The following RSPH3 variants were observed in gnomAD, a reference collection of about 807,000 sequenced individuals.
The protein encoded by RSPH3 is radial spoke head protein 3 homolog.
RSPH3 carries 21 observed loss-of-function variants against 43.8 expected under a neutral mutation model. That is an observed-to-expected ratio of 0.48 (90% CI 0.34 to 0.69). The LOEUF is 0.69. Ranked by LOEUF, RSPH3 falls within the 30% of genes least tolerant of loss-of-function variation. RSPH3 has a pLI of 0.01. For missense variants in RSPH3, 487 were observed against 516.0 expected (o/e 0.94, Z 0.54); for synonymous variants, 173 against 179.8 (o/e 0.96, Z 0.30).
chr6:158,982,333 A>C (rs538493032), intron 5 of RSPH3, 152 bp downstream of exon 5: 1 of 544,694 alleles, frequency 1.8e-6, no homozygotes, highest in East Asian at 3.0e-5. Context: ...TCTATGATCT[A>C]TAGGAGAGAC....
downstream of RSPH3, among the ~76,000 whole-genome samples, chr6:158,970,903 A>C (rs978262206): frequency 6.6e-6 from 1 of 151,964 alleles, no homozygotes; most frequent in African/African-American, 2.4e-5. Context: ...CAAGACTTTC[A>C]ATTTTTTTTT....
In RSPH3 at chr6:158,977,680, A is replaced by G. The variant is rs1231631961; in HGVS notation, c.1115T>C (p.Leu372Pro). Residue 372 changes from leucine (L) to proline (P), a missense_variant, in exon 8 of 8, where the codon CTT becomes CCT. Physicochemically the swap from Leu to Pro is moderately conservative, Grantham distance 98. Coordinates refer to ENST00000367069, the MANE Select transcript of RSPH3 (RefSeq NM_031924.8). ...TCTTTGTAGGTAGCCTCCATCTAAAAGCAGCTCCCGTGTCTGTGACATGCT... is the reference window on the plus strand; with the variant it reads ...TCTTTGTAGGTAGCCTCCATCTAAAGGCAGCTCCCGTGTCTGTGACATGCT... ...EQSMSQTREL[L>P]LDGGYLQRTT... The G allele has an allele frequency of 2.5e-6, 4 of 1,614,030 alleles. No homozygotes were observed. In the Admixed American group the frequency reaches 6.7e-5, roughly 27 times the overall value.
downstream of RSPH3, among the ~76,000 whole-genome samples, chr6:158,970,464 G>A (rs1401995601): frequency 6.6e-6 from 1 of 152,110 alleles, no homozygotes; most frequent in Non-Finnish European, 1.5e-5. Flanking sequence ...AGTGATTCAG[G>A]CCTTCTTAGC....
the RSPH3 span, among the ~76,000 whole-genome samples, chr6:158,967,295 C>T: frequency 6.6e-6 from 1 of 152,064 alleles, no homozygotes; most frequent in Non-Finnish European, 1.5e-5. Context: ...AGCATCTGGC[C>T]TATTTCTGTT....
chr6:158,984,266 T>A (rs74298052), intron 3 of RSPH3, among the ~76,000 whole-genome samples: 29 of 151,416 alleles, frequency 1.9e-4, no homozygotes, highest in African/African-American at 6.8e-4. Context: ...CCTCACATAC[T>A]GAACTAAGAG....
At chr6:158,968,983 G>A (rs920884729), downstream of RSPH3, among the ~76,000 whole-genome samples, 2 of 152,110 alleles carry the variant, frequency 1.3e-5, no homozygotes, top group Non-Finnish European at 2.9e-5. Context: ...TACATTAGAA[G>A]CCCATTAATA....
At chr6:158,986,445 T>C in intron 2 of RSPH3, 24 bp from the exon 3 acceptor site, 4 of 1,586,474 alleles carry the variant, frequency 2.5e-6, no homozygotes, top group Non-Finnish European at 3.4e-6. Context: ...AAAATACTTC[T>C]AGAATTTAGA....
At chr6:158,965,892 C>T in the RSPH3 span, among the ~76,000 whole-genome samples, 5 of 152,022 alleles carry the variant, frequency 3.3e-5, no homozygotes, top group Non-Finnish European at 5.9e-5. Flanking sequence ...TGGAATTTTC[C>T]TAGATGCCTT....
chr6:159,000,064 G>A lies in RSPH3; in HGVS notation c.-514C>T, dbSNP rs898573832. Reference sequence around the variant, plus strand: ...GGCTGGTGTTGGCGCCATTCTCGCAGGCCCACGTGCTCCTGCTCTTCCAGG... The same window carrying A: ...GGCTGGTGTTGGCGCCATTCTCGCAAGCCCACGTGCTCCTGCTCTTCCAGG... On this transcript the variant is annotated 5_prime_UTR_variant, in exon 1 of 8. Coordinates refer to ENST00000367069, the MANE Select transcript of RSPH3 (RefSeq NM_031924.8). 1.1e-5 allele frequency: 15 copies of A among 1,336,114 alleles called. No individual in the cohort carries two copies. The highest frequency in any genetic ancestry group is 1.5e-5 in the African/African-American group (1 of 67,818). 82.8% of individuals were successfully genotyped at this position (1,336,114 alleles called of 1,614,324 possible). A position where few individuals can be genotyped will look rare whatever the true frequency, so the allele number is the denominator to read the frequency against.
the RSPH3 span, among the ~76,000 whole-genome samples, chr6:158,963,515 CTCTT>C: frequency 2.1e-4 from 28 of 133,268 alleles, no homozygotes; most frequent in African/African-American, 5.9e-4. Flanking sequence ...TTCTCTTTCC[CTCTT>C]TCTTTCTTTC....
At chr6:158,982,741 T>C in intron 4 of RSPH3, 53 bp from the exon 5 acceptor site, 1 of 1,234,018 alleles carries the variant, frequency 8.1e-7, no homozygotes, top group Non-Finnish European at 1.2e-6. Flanking sequence ...AATCAAATGC[T>C]CAACAAAAAT....
Position 158,999,719 on chromosome 6 carries a change from G to A in RSPH3, c.-169C>T. 1 of 1,613,718 alleles carries A rather than the reference G, an allele frequency of 6.2e-7. No homozygotes were observed. The highest frequency in any genetic ancestry group is 8.5e-7 in the Non-Finnish European group (1 of 1,179,806). ...GGCGGGACGGGAGGTTACCAGCGCA[G>A]GAGGTGGGAGCTATACTGGGCTCGC... On this transcript the variant is annotated 5_prime_UTR_variant, in exon 1 of 8. Coordinates refer to ENST00000367069, the MANE Select transcript of RSPH3 (RefSeq NM_031924.8).
At chr6:158,996,813 G>A (rs1778611292) in intron 1 of RSPH3, among the ~76,000 whole-genome samples, 1 of 152,158 alleles carries the variant, frequency 6.6e-6, no homozygotes, top group Non-Finnish European at 1.5e-5. Context: ...CTGTGGTCTG[G>A]ATATGGTTTG....
chr6:158,995,183 G>C (rs1022269216), intron 1 of RSPH3, among the ~76,000 whole-genome samples: 1 of 151,942 alleles, frequency 6.6e-6, no homozygotes, highest in Non-Finnish European at 1.5e-5. Context: ...TTTTAGCTGA[G>C]AACTCTTCTC....
In RSPH3 at chr6:158,982,573, C is replaced by T. The variant is rs778560032; in HGVS notation, c.608G>A (p.Ser203Asn). ...CCGTAGTTCTTCATACTCACGCTGA[C>T]TGGCCCGCAGGTTAGCCAGCTCTTC... Reference protein sequence around the residue: ...EEEELANLRASQREYEELRNS... With the variant: ...EEEELANLRANQREYEELRNS... Residue 203 changes from serine to asparagine, a missense_variant, in exon 5 of 8, where the codon AGT becomes AAT. By Grantham distance (46) the Ser-to-Asn change is conservative (BLOSUM62 1). Transcript: ENST00000367069. The T allele has an allele frequency of 1.9e-6, 3 of 1,613,970 alleles. No homozygotes were observed. The highest frequency in any genetic ancestry group is 2.2e-5 in the East Asian group (1 of 44,866).
intron 1 of RSPH3, among the ~76,000 whole-genome samples, chr6:158,994,885 A>G (rs536816139): frequency 3.9e-5 from 6 of 152,304 alleles, no homozygotes; most frequent in African/African-American, 1.4e-4. Flanking sequence ...CCACTATTGA[A>G]CATTCTAACA....
chr6:158,979,458 C>T (rs879335016), intron 6 of RSPH3, among the ~76,000 whole-genome samples: 9 of 152,152 alleles, frequency 5.9e-5, no homozygotes, highest in Non-Finnish European at 8.8e-5. Context: ...AGAATGAACA[C>T]TGGACTTGGA....
At chr6:158,992,170 T>G (rs1465211085) in intron 2 of RSPH3, among the ~76,000 whole-genome samples, 1 of 152,004 alleles carries the variant, frequency 6.6e-6, no homozygotes, top group African/African-American at 2.4e-5. Flanking sequence ...TTGAATGCTA[T>G]TATTCATCTT....
rs1777800362 is a variant in RSPH3 at position 158,975,312 on chromosome 6, A to G, written c.*2226T>C. On this transcript the variant is annotated 3_prime_UTR_variant, in exon 8 of 8. Transcript: ENST00000367069. Reference sequence around the variant, plus strand: ...CAAGATGGAACCAGCCCCATGATGGATAAGAGGCGTGATTCCAATTTTTAA... The same window carrying G: ...CAAGATGGAACCAGCCCCATGATGGGTAAGAGGCGTGATTCCAATTTTTAA... 1 of 152,214 alleles carries G rather than the reference A, an allele frequency of 6.6e-6. No homozygotes were observed. The highest frequency in any genetic ancestry group is 6.5e-5 in the Admixed American group (1 of 15,282). The allele number at this position is 152,214 out of a possible 1,614,324, so 9.4% of individuals were successfully genotyped here. A position where few individuals can be genotyped will look rare whatever the true frequency, so the allele number is the denominator to read the frequency against.
Sources: gnomAD v4.1 joint callset for allele counts (sites outside exome capture counted in the v4.1 genomes callset) on GRCh38, gnomAD v4.1.1 for gene constraint, MANE v1.5 for transcripts, NCBI Gene and HGNC (gene_info 2026-07-23, HGNC 2026-07-21) for gene names.